Variants in NPAS1 observed in about 807,000 individuals in gnomAD.
NPAS1 encodes neuronal PAS domain protein 1, also known as neuronal PAS domain-containing protein 1.
Under a neutral mutation model 49.2 loss-of-function variants are expected in NPAS1, and 29 were observed. The observed-to-expected ratio is 0.59, with a 90% CI of 0.44 to 0.80. The LOEUF (loss-of-function observed/expected upper bound fraction) is 0.80. Ranked by LOEUF, NPAS1 falls within the 30% of genes least tolerant of loss-of-function variation. The pLI, the probability that NPAS1 is intolerant of heterozygous loss-of-function variation, is 0.00. For missense variants in NPAS1, 825 were observed against 835.5 expected, an observed-to-expected ratio of 0.99 and a Z score of 0.15; for synonymous variants, 408 against 380.4, an observed-to-expected ratio of 1.07 and a Z score of -0.84.
chr19:47,040,388 C>A, intron 8 of NPAS1, 56 bp from the exon 9 acceptor site: 2 of 1,246,058 alleles, frequency 1.6e-6, no homozygotes, highest in Non-Finnish European at 2.3e-6. Flanking sequence ...GCCAACTCTG[C>A]CTCTCCCCCA....
chr19:47,030,466 G>C (rs1057301315), intron 3 of NPAS1, among the ~76,000 whole-genome samples: 4 of 151,942 alleles, frequency 2.6e-5, no homozygotes, highest in African/African-American at 9.7e-5. Flanking sequence ...CTTTGGAGAA[G>C]TATCTATTCA....
In NPAS1 at chr19:47,040,332, T is replaced by C. The variant is rs1229196393; in HGVS notation, c.963-112T>C. The C allele has an allele frequency of 8.8e-6, 6 of 679,882 alleles. No individual in the cohort carries two copies. In the East Asian group the frequency reaches 1.7e-4, roughly 19 times the overall value. The allele number at this position is 679,882 out of a possible 1,614,324, so 42.1% of individuals were successfully genotyped here. A position where few individuals can be genotyped will look rare whatever the true frequency, so the allele number is the denominator to read the frequency against. ...GCCACCGCGCCTGCCAACACTGTTA[T>C]TGCACCCATTTTACAGCAAGGGTGT... On this transcript the variant is annotated intron_variant, in intron 8 of 11. Coordinates refer to ENST00000602212, the MANE Select transcript of NPAS1 (RefSeq NM_002517.4).
In NPAS1 at chr19:47,045,695, TC is replaced by T; in HGVS notation, c.*49del. 1 of 1,369,602 alleles carries T rather than the reference TC, an allele frequency of 7.3e-7. No individual in the cohort carries two copies. Among genetic ancestry groups the T allele is most frequent in the Non-Finnish European group, 9.4e-7 (1 of 1,059,448 alleles). 84.8% of individuals were successfully genotyped at this position (1,369,602 alleles called of 1,614,324 possible). A position where few individuals can be genotyped will look rare whatever the true frequency, so the allele number is the denominator to read the frequency against. On this transcript the variant is annotated 3_prime_UTR_variant, in exon 12 of 12. Transcript: ENST00000602212. Reference sequence around the variant, plus strand: ...GCGCCGGACCCTGCGACAACCGGGGTCCCCCAGGACAGTAGGCCCGGCTCTG... The same window carrying T: ...GCGCCGGACCCTGCGACAACCGGGGTCCCCAGGACAGTAGGCCCGGCTCTG...
At chr19:47,044,768 G>T (rs140595129) in intron 11 of NPAS1, among the ~76,000 whole-genome samples, 1 of 152,172 alleles carries the variant, frequency 6.6e-6, no homozygotes, top group African/African-American at 2.4e-5. Context: ...AGTGGCTCAC[G>T]CCTGTAATCC....
Position 47,045,504 on chromosome 19 carries a change from C to G in NPAS1, c.1626C>G (p.Ile542Met). ...GGGGCCTGTGCACACCCGGCACCAT[C>G]CGCTACGGCCCCGCGGAGCTGGGCC... ...VVRGLCTPGT[I>M]RYGPAELGLV... Residue 542 changes from isoleucine (I) to methionine (M), a missense_variant, in exon 12 of 12, where the codon ATC becomes ATG. Physicochemically the swap from Ile to Met is conservative, Grantham distance 10 (BLOSUM62 1). Coordinates refer to ENST00000602212, the MANE Select transcript of NPAS1 (RefSeq NM_002517.4). 1 of 1,548,986 alleles carries G rather than the reference C, an allele frequency of 6.5e-7. No individual in the cohort carries two copies. The highest frequency in any genetic ancestry group is 8.7e-7 in the Non-Finnish European group (1 of 1,152,610).
rs759879648 is a variant in NPAS1 at position 47,039,096 on chromosome 19, G to A, written c.749G>A (p.Arg250His). 6 of 1,613,792 alleles carry A rather than the reference G, an allele frequency of 3.7e-6. No individual in the cohort carries two copies. Among genetic ancestry groups the A allele is most frequent in the South Asian group, 1.1e-5 (1 of 91,036 alleles). The change falls in exon 7 of 12, where the codon CGC becomes CAC. Residue 250 changes from arginine (R) to histidine (H), a missense_variant. Arg to His is a conservative substitution (Grantham distance 29, BLOSUM62 0). Transcript: ENST00000602212. ...SLVQERSFFV[R>H]MKSTLTKRGL... The stretch of plus-strand genomic sequence containing the variant: ...GTCCAGGAGCGCTCCTTCTTTGTCC[G>A]CATGAAATCCACGCTCACCAAGAGG...
At chr19:47,030,630 C>G (rs1009470147) in intron 3 of NPAS1, among the ~76,000 whole-genome samples, 3 of 144,030 alleles carry the variant, frequency 2.1e-5, no homozygotes, top group African/African-American at 7.6e-5. Flanking sequence ...GTGCCTGGCC[C>G]TTTGCCTTTT....
At chr19:47,027,348 T>TC (rs1248986560) in intron 3 of NPAS1, among the ~76,000 whole-genome samples, 2 of 119,874 alleles carry the variant, frequency 1.7e-5, no homozygotes, top group African/African-American at 3.0e-5. Context: ...CTGCCCCAGG[T>TC]CCCCCCTCTC....
At position 47,021,881 on chromosome 19, in the gene NPAS1, G is replaced by A; in HGVS notation, c.358+34G>A. ...TCATGCGCGGGGCGAGGGTCCCGGG[G>A]CCCTCCAGGCGGAGTCACTGCAGCC... is the stretch of plus-strand genomic sequence containing the variant. On this transcript the variant is annotated intron_variant, in intron 3 of 11. Coordinates refer to ENST00000602212, the MANE Select transcript of NPAS1 (RefSeq NM_002517.4). This position sits in a 1 kb window ranked among gnomAD's most constrained non-coding sequence, Gnocchi z 5.7. 1 of 1,342,280 alleles carries A rather than the reference G, an allele frequency of 7.5e-7. No individual in the cohort carries two copies. Among genetic ancestry groups the A allele is most frequent in the Non-Finnish European group, 9.7e-7 (1 of 1,030,634 alleles). 83.1% of individuals were successfully genotyped at this position (1,342,280 alleles called of 1,614,324 possible).
At position 47,041,633 on chromosome 19, in the gene NPAS1, A is replaced by T. The variant is rs184319529; in HGVS notation, c.1217+508A>T. Among the ~76,000 whole-genome samples the T allele has an allele frequency of 2.8e-4, 43 of 152,262 alleles. No individual in the cohort carries two copies. The East Asian group carries it at 8.3e-3, about 29-fold the overall frequency. On this transcript the variant is annotated intron_variant, in intron 10 of 11. Transcript: ENST00000602212. ...TGGCTCAGGGGCACTGGGGAGTCAT[A>T]GAAAGCTTTAGAGCTGGAGAGGATC...
chr19:47,038,575 G>T (rs566081318), intron 6 of NPAS1, among the ~76,000 whole-genome samples: 1 of 149,156 alleles, frequency 6.7e-6, no homozygotes, highest in Non-Finnish European at 1.5e-5. Context: ...ACATGTAATC[G>T]TAGCACCTTG....
At chr19:47,042,046 G>A (rs1011748671) in intron 10 of NPAS1, among the ~76,000 whole-genome samples, 2 of 146,432 alleles carry the variant, frequency 1.4e-5, no homozygotes, top group East Asian at 4.1e-4. Context: ...AGTGGCTCAC[G>A]CCTGGAATCC....
intron 6 of NPAS1, among the ~76,000 whole-genome samples, chr19:47,038,619 G>C (rs143216362): frequency 6.6e-6 from 1 of 151,830 alleles, no homozygotes; most frequent in Admixed American, 6.6e-5. Flanking sequence ...TTGAAGTCAG[G>C]AGTTCAAAAC....
intron 10 of NPAS1, 134 bp from the exon 11 acceptor site, chr19:47,042,676 G>T: frequency 1.6e-6 from 1 of 617,632 alleles, no homozygotes; most frequent in Non-Finnish European, 2.7e-6. Context: ...GTTGAGCCTT[G>T]TAAGTGCCTC....
At chr19:47,032,475 C>G in intron 4 of NPAS1, 124 bp downstream of exon 4, 1 of 1,161,678 alleles carries the variant, frequency 8.6e-7, no homozygotes. Context: ...GGCGAATGCT[C>G]AAGATCCCTC....
At chr19:47,025,694 G>T (rs1277218862) in intron 3 of NPAS1, among the ~76,000 whole-genome samples, 1 of 151,856 alleles carries the variant, frequency 6.6e-6, no homozygotes, top group Non-Finnish European at 1.5e-5. Context: ...TCTCACTTCA[G>T]CCTTCCAAGT....
chr19:47,024,950 C>T (rs2122441757), intron 3 of NPAS1, among the ~76,000 whole-genome samples: 1 of 151,488 alleles, frequency 6.6e-6, no homozygotes, highest in East Asian at 1.9e-4. Context: ...GCTGGGATTA[C>T]AGGCGCCTGC....
At chr19:47,036,830 A>G (rs373660199) in intron 6 of NPAS1, among the ~76,000 whole-genome samples, 4 of 151,838 alleles carry the variant, frequency 2.6e-5, no homozygotes, top group African/African-American at 9.7e-5. Flanking sequence ...TGCAGTGAGC[A>G]GAGATTGTGC....
At chr19:47,026,753 A>G (rs923468185) in intron 3 of NPAS1, among the ~76,000 whole-genome samples, 6 of 152,118 alleles carry the variant, frequency 3.9e-5, no homozygotes, top group African/African-American at 1.2e-4. Flanking sequence ...TCAGGAGTTC[A>G]AGACAAGCCT....
Sources: allele counts gnomAD v4.1 joint callset (sites outside exome capture counted in the v4.1 genomes callset), GRCh38; gene constraint gnomAD v4.1.1; non-coding constraint Gnocchi (gnomAD v3.1); transcripts MANE v1.5; gene names NCBI Gene and HGNC (gene_info 2026-07-23, HGNC 2026-07-21).